GALNT17: variants seen among roughly 807,000 people sequenced by gnomAD.
GALNT17 encodes the protein UDP-GalNAc:polypeptide N-acetylgalactosaminyltransferase-like 3.
In GALNT17, 29 loss-of-function variants were observed where a neutral mutation model predicts 63.7. That is an observed-to-expected ratio of 0.46 (90% CI 0.34 to 0.62). The LOEUF (loss-of-function observed/expected upper bound fraction) is 0.62, where lower values mean the gene tolerates loss of function less well. Ranked by LOEUF, GALNT17 falls within the 20% of genes least tolerant of loss-of-function variation. The pLI, the probability that GALNT17 is intolerant of heterozygous loss-of-function variation, is 0.01. For missense variants in GALNT17, 603 were observed against 799.6 expected, an observed-to-expected ratio of 0.75 and a Z score of 2.97; for synonymous variants, 305 against 318.3, an observed-to-expected ratio of 0.96 and a Z score of 0.45.
intron 5 of GALNT17, among the ~76,000 whole-genome samples, chr7:71,542,396 G>A (rs1481841052): frequency 6.6e-6 from 1 of 151,900 alleles, no homozygotes; most frequent in East Asian, 1.9e-4. Flanking sequence ...AACTCTAGGA[G>A]AAGTCACTCT....
intron 1 of GALNT17, among the ~76,000 whole-genome samples, chr7:71,179,840 T>A (rs1788704483): frequency 6.6e-6 from 1 of 152,236 alleles, no homozygotes. Flanking sequence ...TACTCCTGTC[T>A]ACTTTCTGCC....
intron 6 of GALNT17, among the ~76,000 whole-genome samples, chr7:71,656,359 A>C (rs559749109): frequency 6.6e-6 from 1 of 152,274 alleles, no homozygotes; most frequent in African/African-American, 2.4e-5. Flanking sequence ...GGAGTTAACT[A>C]GGCAGATGGG....
At chr7:71,508,553 AC>A (rs923208578) in intron 5 of GALNT17, among the ~76,000 whole-genome samples, 2 of 151,076 alleles carry the variant, frequency 1.3e-5, no homozygotes, top group African/African-American at 4.9e-5. Context: ...CACACGCAGC[AC>A]CCCCCGGCCC....
At chr7:71,518,222 C>T (rs980280695) in intron 5 of GALNT17, among the ~76,000 whole-genome samples, 2 of 152,116 alleles carry the variant, frequency 1.3e-5, no homozygotes, top group Non-Finnish European at 1.5e-5. Context: ...ATAGAAATAC[C>T]GTGTGAGAAT....
At chr7:71,532,986 A>G (rs535870267) in intron 5 of GALNT17, among the ~76,000 whole-genome samples, 1 of 152,264 alleles carries the variant, frequency 6.6e-6, no homozygotes, top group East Asian at 1.9e-4. Flanking sequence ...ACCCTGCATG[A>G]GGTCGGAGAG....
chr7:71,655,620 ATGTGCCTGACTTCTGG>A (rs1790817959), intron 6 of GALNT17, among the ~76,000 whole-genome samples: 2 of 152,184 alleles, frequency 1.3e-5, no homozygotes, highest in South Asian at 4.1e-4. Flanking sequence ...GGAAGAATGC[ATGTGCCTGACTTCTGG>A]GAGAAATGGA....
At chr7:71,311,603 C>G (rs1452175995) in intron 1 of GALNT17, among the ~76,000 whole-genome samples, 1 of 152,194 alleles carries the variant, frequency 6.6e-6, no homozygotes, top group Non-Finnish European at 1.5e-5. Context: ...TCATGCTTCT[C>G]TCTTCTCAAT....
chr7:71,695,510 T>C (rs781210720), intron 9 of GALNT17, among the ~76,000 whole-genome samples: 2 of 152,136 alleles, frequency 1.3e-5, no homozygotes, highest in Non-Finnish European at 2.9e-5. Flanking sequence ...CCATATATAT[T>C]TTTAAATCAA....
At chr7:71,156,211 A>T (rs1347132070) in intron 1 of GALNT17, among the ~76,000 whole-genome samples, 1 of 151,572 alleles carries the variant, frequency 6.6e-6, no homozygotes, top group Non-Finnish European at 1.5e-5. Flanking sequence ...AAAAAAAAAA[A>T]TTCATTCTTA....
intron 1 of GALNT17, among the ~76,000 whole-genome samples, chr7:71,246,112 G>A (rs1243649962): frequency 1.8e-5 from 2 of 112,854 alleles, no homozygotes; most frequent in African/African-American, 7.9e-5. Context: ...AGCTTTTTTC[G>A]TTGTTTTTTT....
chr7:71,701,907 ATATACATATATATATG>A, intron 9 of GALNT17, among the ~76,000 whole-genome samples: 1 of 126,646 alleles, frequency 7.9e-6, no homozygotes, highest in Non-Finnish European at 1.6e-5. Flanking sequence ...ACATATATAT[ATATACATATATATATG>A]TATATATATA....
intron 2 of GALNT17, among the ~76,000 whole-genome samples, chr7:71,372,435 G>A (rs1291723349): frequency 3.3e-5 from 5 of 152,172 alleles, no homozygotes; most frequent in Non-Finnish European, 7.3e-5. Context: ...AAAGTGCTGG[G>A]ATCATAGGCA....
At chr7:71,366,511 G>A (rs1169747741) in intron 2 of GALNT17, among the ~76,000 whole-genome samples, 1 of 152,178 alleles carries the variant, frequency 6.6e-6, no homozygotes, top group Admixed American at 6.5e-5. Context: ...AACCTGGGAA[G>A]CGGAGGTTGC....
At position 71,712,803 on chromosome 7, in the gene GALNT17, C is replaced by T. The variant is rs1791815357; in HGVS notation, c.*657C>T. On this transcript the variant is annotated 3_prime_UTR_variant, in exon 11 of 11. Transcript: ENST00000333538. ...TCTCTCCTAATCCCTGGGCACTAGG[C>T]TCTTATCAGTGTGCTTGGGCCAGCT... 6.6e-6 allele frequency: 1 copy of T among 152,604 alleles called. No individual in the cohort carries two copies. The allele number at this position is 152,604 out of a possible 1,614,324, so 9.5% of individuals were successfully genotyped here.
At chr7:71,199,177 G>T (rs1056932006) in intron 1 of GALNT17, among the ~76,000 whole-genome samples, 3 of 152,076 alleles carry the variant, frequency 2.0e-5, no homozygotes, top group Non-Finnish European at 4.4e-5. Context: ...TGGCCAAGGG[G>T]GTGGCTAAAG....
At chr7:71,296,128 G>A (rs1477961011) in intron 1 of GALNT17, among the ~76,000 whole-genome samples, 1 of 151,984 alleles carries the variant, frequency 6.6e-6, no homozygotes, top group Admixed American at 6.6e-5. Flanking sequence ...TTGAAGTTAT[G>A]GGCAATGTTT....
chr7:71,191,633 G>A (rs971168532), intron 1 of GALNT17, among the ~76,000 whole-genome samples: 1 of 152,112 alleles, frequency 6.6e-6, no homozygotes, highest in Non-Finnish European at 1.5e-5. Flanking sequence ...TTGCTGCGTC[G>A]TCTTCTATGT....
chr7:71,578,875 C>G (rs1381418870), intron 6 of GALNT17, among the ~76,000 whole-genome samples: 1 of 152,104 alleles, frequency 6.6e-6, no homozygotes, highest in Non-Finnish European at 1.5e-5. Flanking sequence ...AGAGATTTCC[C>G]CCTGCCTTCT....
chr7:71,673,344 T>A (rs1166425135), intron 8 of GALNT17, among the ~76,000 whole-genome samples: 2 of 152,206 alleles, frequency 1.3e-5, no homozygotes, highest in Non-Finnish European at 2.9e-5. Context: ...ATAGCTGTTA[T>A]AAATGGTGCG....
Sources: allele counts gnomAD v4.1 joint callset (sites outside exome capture counted in the v4.1 genomes callset), GRCh38; gene constraint gnomAD v4.1.1; transcripts MANE v1.5; gene names NCBI Gene and HGNC (gene_info 2026-07-23, HGNC 2026-07-21).